Variants in ERN1 observed in about 807,000 individuals in gnomAD.
ERN1 encodes serine/threonine-protein kinase/endoribonuclease IRE1.
A neutral mutation model predicts 113.1 loss-of-function variants in ERN1; 39 were observed. The observed-to-expected ratio is 0.34, with a 90% confidence interval of 0.27 to 0.45. ERN1 has a LOEUF of 0.45. Among genes scored for constraint, ERN1 ranks in the 20% least tolerant of loss-of-function variants. ERN1 has a pLI of 1.00. For missense variants in ERN1, 976 were observed against 1,274.8 expected (o/e 0.77, Z 3.57); for synonymous variants, 507 against 515.9 (o/e 0.98, Z 0.23).
chr17:64,107,873 T>C (rs1914571103), intron 1 of ERN1, among the ~76,000 whole-genome samples: 1 of 152,234 alleles, frequency 6.6e-6, no homozygotes, highest in Admixed American at 6.5e-5. Context: ...TTCCAAATTC[T>C]GTTATACTTC....
At chr17:64,066,957 A>C (rs775701951) in intron 7 of ERN1, 25 bp from the exon 8 acceptor site, 2 of 1,602,670 alleles carry the variant, frequency 1.2e-6, no homozygotes, top group Non-Finnish European at 1.7e-6. Context: ...TAAACAAAGC[A>C]TGCTGAGTCT....
chr17:64,122,534 T>C (rs1914980598), intron 1 of ERN1, among the ~76,000 whole-genome samples: 1 of 152,212 alleles, frequency 6.6e-6, no homozygotes, highest in Non-Finnish European at 1.5e-5. Flanking sequence ...CTGGAATTCT[T>C]TGGAAATTCC....
chr17:64,045,446 C>T lies in ERN1; in HGVS notation c.2566G>A (p.Gly856Ser). The change falls in exon 20 of 22, where the codon GGC becomes AGC. Residue 856 changes from glycine to serine, a missense_variant. Physicochemically the swap from Gly to Ser is moderately conservative, Grantham distance 56 (BLOSUM62 0). Transcript: ENST00000433197. ...SDRIEKESLDGPIVKQLERGG... is the reference protein window; with the variant it reads ...SDRIEKESLDSPIVKQLERGG... Reference sequence around the variant, plus strand: ...CTCTCTAACTGCTTCACGATCGGGCCATCCAGGGATTCCTTTTCTATTCTG... The same window carrying T: ...CTCTCTAACTGCTTCACGATCGGGCTATCCAGGGATTCCTTTTCTATTCTG... 1 of 1,614,006 alleles carries T rather than the reference C, an allele frequency of 6.2e-7. No individual in the cohort carries two copies. Among genetic ancestry groups the T allele is most frequent in the Non-Finnish European group, 8.5e-7 (1 of 1,179,874 alleles).
At position 64,103,394 on chromosome 17, in the gene ERN1, G is replaced by A. The variant is rs376475371; in HGVS notation, c.55-5153C>T. On this transcript the variant is annotated intron_variant, in intron 1 of 21. Transcript: ENST00000433197. Reference sequence around the variant, plus strand: ...CACCTGTAATCCCAGCTACTTGGGAGGCTGAGGCAGGAGAATCGCTTGAAC... The same window carrying A: ...CACCTGTAATCCCAGCTACTTGGGAAGCTGAGGCAGGAGAATCGCTTGAAC... Among the ~76,000 whole-genome samples, 107 of 151,968 alleles carry A rather than the reference G, an allele frequency of 7.0e-4. 1 individual carries two copies. The highest frequency in any genetic ancestry group is 2.5e-3 in the African/African-American group (104 of 41,420).
chr17:64,049,635 A>C lies in ERN1; in HGVS notation c.2254-433T>G, dbSNP rs1912621793. 6.6e-6 allele frequency among the ~76,000 whole-genome samples: 1 copy of C among 152,156 alleles called. No homozygotes were observed. On this transcript the variant is annotated intron_variant, in intron 17 of 21. Transcript: ENST00000433197. The surrounding 1 kb of genome is among the most constrained non-coding windows in gnomAD (Gnocchi z 4.7). ...TCCCTGCTGTACCCCCAGGGCCCAGAATGGTGCCTGCACACAGTAGGTATC... is the reference window on the plus strand; with the variant it reads ...TCCCTGCTGTACCCCCAGGGCCCAGCATGGTGCCTGCACACAGTAGGTATC...
chr17:64,085,775 C>T (rs766035072), intron 2 of ERN1, among the ~76,000 whole-genome samples: 3 of 152,280 alleles, frequency 2.0e-5, no homozygotes, highest in Non-Finnish European at 2.9e-5. Flanking sequence ...TACCATGATA[C>T]GTGGTATCTC....
rs1411255139 is a variant in ERN1, at chr17:64,040,450, G to T, written c.*3538C>A. On this transcript the variant is annotated 3_prime_UTR_variant, in exon 22 of 22. Transcript: ENST00000433197. Reference sequence around the variant, plus strand: ...GAGGAGAAAGCCGTACAATCCAAAGGTCCCCCCATCTGCATGAACGGTTTG... The same window carrying T: ...GAGGAGAAAGCCGTACAATCCAAAGTTCCCCCCATCTGCATGAACGGTTTG... 6.6e-6 allele frequency: 1 copy of T among 152,192 alleles called. No homozygotes were observed. The highest frequency in any genetic ancestry group is 2.4e-5 in the African/African-American group (1 of 41,438). 9.4% of individuals were successfully genotyped at this position (152,192 alleles called of 1,614,324 possible). A position where few individuals can be genotyped will look rare whatever the true frequency, so the allele number is the denominator to read the frequency against.
intron 12 of ERN1, among the ~76,000 whole-genome samples, chr17:64,056,237 T>C (rs1420626595): frequency 6.6e-6 from 1 of 152,226 alleles, no homozygotes; most frequent in African/African-American, 2.4e-5. Flanking sequence ...TGTGCCAGTT[T>C]CATTCAGTTC....
At chr17:64,097,557 G>C (rs1914263797) in intron 2 of ERN1, among the ~76,000 whole-genome samples, 1 of 152,186 alleles carries the variant, frequency 6.6e-6, no homozygotes, top group Non-Finnish European at 1.5e-5. Context: ...TGTAGGGCTT[G>C]ACTCTGCTAG....
intron 1 of ERN1, among the ~76,000 whole-genome samples, chr17:64,104,489 CATTTCAAGAA>C (rs1439894915): frequency 6.6e-6 from 1 of 152,074 alleles, no homozygotes; most frequent in African/African-American, 2.4e-5. Flanking sequence ...TTCAGACATA[CATTTCAAGAA>C]CTGATTCCCA....
At chr17:64,062,975 C>T (rs908658969) in intron 10 of ERN1, among the ~76,000 whole-genome samples, 1 of 152,184 alleles carries the variant, frequency 6.6e-6, no homozygotes, top group Non-Finnish European at 1.5e-5. Flanking sequence ...CCTGGTTACA[C>T]ACATCCCCAC....
intron 5 of ERN1, among the ~76,000 whole-genome samples, chr17:64,073,770 C>T (rs528841842): frequency 4.6e-5 from 7 of 152,224 alleles, no homozygotes; most frequent in South Asian, 4.1e-4. Context: ...GGATTACAGG[C>T]GTGAGCCACT....
intron 1 of ERN1, chr17:64,129,770 G>C: frequency 2.4e-6 from 1 of 420,070 alleles, no homozygotes; most frequent in Non-Finnish European, 4.0e-6. Context: ...CGCCTCGGTG[G>C]GGCCGCGACT....
intron 1 of ERN1, among the ~76,000 whole-genome samples, chr17:64,127,280 T>C (rs1235731596): frequency 6.6e-6 from 1 of 152,030 alleles, no homozygotes; most frequent in Non-Finnish European, 1.5e-5. Flanking sequence ...AAAAGAAATA[T>C]CAAAAACTAT....
At chr17:64,064,195 G>A (rs779168002) in intron 9 of ERN1, 44 bp from the exon 10 acceptor site, 1 of 1,539,646 alleles carries the variant, frequency 6.5e-7, no homozygotes, top group Non-Finnish European at 8.8e-7. Context: ...TGGAGGGAGA[G>A]CGGGTCCCAC....
At chr17:64,110,443 T>C (rs2041330197) in intron 1 of ERN1, among the ~76,000 whole-genome samples, 1 of 152,222 alleles carries the variant, frequency 6.6e-6, no homozygotes, top group Non-Finnish European at 1.5e-5. Context: ...ATAATAGATC[T>C]CCTGAACAGC....
intron 2 of ERN1, among the ~76,000 whole-genome samples, chr17:64,086,005 T>A (rs11652329): frequency 0.019 from 2,862 of 152,308 alleles, 43 homozygotes; most frequent in Middle Eastern, 0.037. Context: ...CACCCTTCCC[T>A]TCACATCTCT....
At chr17:64,115,540 A>C (rs73330184) in intron 1 of ERN1, among the ~76,000 whole-genome samples, 2,542 of 152,304 alleles carry the variant, frequency 0.017, 72 homozygotes, top group African/African-American at 0.058. Flanking sequence ...TGCCCAGAGC[A>C]GTTCCAAGAG....
chr17:64,064,251 T>G, intron 9 of ERN1, 100 bp from the exon 10 acceptor site: 2 of 1,319,360 alleles, frequency 1.5e-6, no homozygotes, highest in Admixed American at 2.5e-5. Context: ...CAATTTCTAG[T>G]GCAGGGCTAG....
Sources: gnomAD v4.1 joint callset for allele counts (sites outside exome capture counted in the v4.1 genomes callset) on GRCh38, gnomAD v4.1.1 for gene constraint, Gnocchi (gnomAD v3.1) non-coding constraint, MANE v1.5 for transcripts, NCBI Gene and HGNC (gene_info 2026-07-23, HGNC 2026-07-21) for gene names.